ANKRD11: variants seen among roughly 807,000 people sequenced by gnomAD.
ANKRD11 encodes ankyrin repeat domain-containing protein 11.
In ANKRD11, 17 loss-of-function variants were observed where a neutral mutation model predicts 195.7. The ratio of observed to expected loss-of-function variants is 0.09; its 90% confidence interval spans 0.06 to 0.13. ANKRD11 has a LOEUF of 0.13. ANKRD11 is among the 10% of genes least tolerant of loss of function. The pLI is 1.00. For missense variants in ANKRD11, 3,735 were observed against 3,566.1 expected (o/e 1.05, Z -1.21); for synonymous variants, 1,953 against 1,528.1 (o/e 1.28, Z -6.49).
At position 89,283,685 on chromosome 16, in the gene ANKRD11, C is replaced by A. The variant is rs2034445786; in HGVS notation, c.2857G>T (p.Asp953Tyr). ...ESAEAGRDRK[D>Y]ALESCKERRD... ...CGCTCCTTGCAGCTCTCCAGGGCGT[C>A]CTTTCTGTCCCGCCCGGCCTCTGCG... is the stretch of plus-strand genomic sequence containing the variant. The change falls in exon 9 of 13, where the codon GAC (aspartate) becomes TAC (tyrosine). Residue 953 changes from aspartate (D) to tyrosine (Y), a missense_variant. Physicochemically the swap from Asp to Tyr is radical, Grantham distance 160. Coordinates refer to ENST00000301030, the MANE Select transcript of ANKRD11 (RefSeq NM_013275.6). The surrounding 1 kb of genome is among the most constrained non-coding windows in gnomAD (Gnocchi z 4.3). The A allele has an allele frequency of 2.5e-6, 4 of 1,613,064 alleles. No individual in the cohort carries two copies. The highest frequency in any genetic ancestry group is 3.4e-6 in the Non-Finnish European group (4 of 1,180,054).
intron 2 of ANKRD11, among the ~76,000 whole-genome samples, chr16:89,398,088 A>G (rs1336005712): frequency 6.6e-6 from 1 of 151,442 alleles, no homozygotes; most frequent in Non-Finnish European, 1.5e-5. Context: ...ACAGCTGAAG[A>G]TTACCTGTAA....
chr16:89,402,366 T>C (rs1272892522), intron 2 of ANKRD11, among the ~76,000 whole-genome samples: 1 of 152,154 alleles, frequency 6.6e-6, no homozygotes, highest in Non-Finnish European at 1.5e-5. Context: ...TATCTGGGAT[T>C]GAGCGCTTAT....
chr16:89,463,430 G>T (rs893740698), intron 1 of ANKRD11, among the ~76,000 whole-genome samples: 1 of 152,134 alleles, frequency 6.6e-6, no homozygotes, highest in Non-Finnish European at 1.5e-5. Context: ...ATGGATTAAG[G>T]GCGGTGCAAG....
At chr16:89,386,582 C>T (rs1292401387) in intron 2 of ANKRD11, among the ~76,000 whole-genome samples, 3 of 152,170 alleles carry the variant, frequency 2.0e-5, no homozygotes, top group South Asian at 2.1e-4. Flanking sequence ...AAGATGCCCG[C>T]GGGGAGGAGT....
At position 89,356,780 on chromosome 16, in the gene ANKRD11, C is replaced by CAA. The variant is rs58470031; in HGVS notation, c.-59-39704_-59-39703dup. 3.0e-3 allele frequency among the ~76,000 whole-genome samples: 312 copies of CAA among 103,708 alleles called. 2 individuals are homozygous for CAA. The highest frequency in any genetic ancestry group is 0.023 in the East Asian group (83 of 3,564). 68.0% of individuals were successfully genotyped at this position (103,708 alleles called of 152,430 possible). On this transcript the variant is annotated intron_variant, in intron 2 of 12. Coordinates refer to ENST00000301030, the MANE Select transcript of ANKRD11 (RefSeq NM_013275.6). The stretch of plus-strand genomic sequence containing the variant: ...TGGGCGACACAGCAAGACTCCGTCT[C>CAA]AAAAAAAAAAAAAAAGAAAAAAGAA...
rs757750566 is a variant in ANKRD11, at chr16:89,282,500, CCTT to C, written c.4039_4041del (p.Lys1347del). On this transcript the variant is annotated inframe_deletion, in exon 9 of 13. Transcript: ENST00000301030. The stretch of plus-strand genomic sequence containing the variant: ...GAAGATGAGGAGTGTCTGTGCCTCT[CCTT>C]CTCTTTCAGCTTCTCAGGGAGGCAG... 2.3e-5 allele frequency: 37 copies of C among 1,614,000 alleles called. No individual in the cohort carries two copies. Among genetic ancestry groups the C allele is most frequent in the East Asian group, 4.5e-5 (2 of 44,886 alleles).
At chr16:89,432,072 A>G (rs534881413) in intron 1 of ANKRD11, among the ~76,000 whole-genome samples, 1 of 152,122 alleles carries the variant, frequency 6.6e-6, no homozygotes, top group East Asian at 1.9e-4. Flanking sequence ...CATCATCATA[A>G]CAACTTAATT....
chr16:89,308,841 T>A (rs1020651151), intron 3 of ANKRD11, among the ~76,000 whole-genome samples: 4 of 151,860 alleles, frequency 2.6e-5, no homozygotes, highest in African/African-American at 9.7e-5. Flanking sequence ...ACGTGCAGCA[T>A]CAACACTGAG....
In ANKRD11 at chr16:89,317,402, G is replaced by C. The variant is rs180905085; in HGVS notation, c.-59-324C>G. Among the ~76,000 whole-genome samples, 1,130 of 152,296 alleles carry C rather than the reference G, an allele frequency of 7.4e-3. 55 individuals carry two copies. The highest frequency in any genetic ancestry group is 0.066 in the Admixed American group (1,009 of 15,300). On this transcript the variant is annotated intron_variant, in intron 2 of 12. Coordinates refer to ENST00000301030, the MANE Select transcript of ANKRD11 (RefSeq NM_013275.6). ...AGCACCTGGATCCTGGGTCCCACCT[G>C]GTACAGGCTACACCCAAAACGGTCA...
intron 1 of ANKRD11, among the ~76,000 whole-genome samples, chr16:89,433,243 A>C (rs1661447748): frequency 6.6e-6 from 1 of 152,224 alleles, no homozygotes; most frequent in African/African-American, 2.4e-5. Context: ...GGCCCAGTTG[A>C]GTGGCCATGA....
rs796527078 is a variant in ANKRD11 at position 89,281,032 on chromosome 16, G to A, written c.5510C>T (p.Pro1837Leu). Residue 1837 changes from proline to leucine, a missense_variant, in exon 9 of 13, where the codon CCG (proline) becomes CTG (leucine). Transcript: ENST00000301030. This position sits in a 1 kb window ranked among gnomAD's most constrained non-coding sequence, Gnocchi z 5.5. The part of the protein sequence containing the change: ...PSMEDRAPLP[P>L]VPAEKFACLS... The stretch of plus-strand genomic sequence containing the variant: ...GCAGGCAAACTTCTCCGCGGGAACC[G>A]GGGGCAGGGGCGCCCTGTCTTCCAT... 11 of 1,596,538 alleles carry A rather than the reference G, an allele frequency of 6.9e-6. No homozygotes were observed. Among genetic ancestry groups the A allele is most frequent in the East Asian group, 2.2e-5 (1 of 44,586 alleles).
At chr16:89,454,151 C>G (rs2056322403) in intron 1 of ANKRD11, among the ~76,000 whole-genome samples, 1 of 152,152 alleles carries the variant, frequency 6.6e-6, no homozygotes, top group African/African-American at 2.4e-5. Flanking sequence ...ACAACCACAG[C>G]CAACACAACG....
intron 2 of ANKRD11, among the ~76,000 whole-genome samples, chr16:89,375,415 G>A (rs547733772): frequency 5.3e-5 from 8 of 152,240 alleles, no homozygotes; most frequent in Admixed American, 5.2e-4. Flanking sequence ...GGTCATGCCT[G>A]TGACAAGCCG....
rs568897835 is a variant in ANKRD11, at chr16:89,439,984, A to T, written c.-144-21616T>A. On this transcript the variant is annotated intron_variant, in intron 1 of 12. Transcript: ENST00000301030. ...CTCACAGGTGTGGGGTCTGAGCCGC[A>T]GCCCACTACCTTAACTCCATAATCT... 3.3e-5 allele frequency among the ~76,000 whole-genome samples: 5 copies of T among 152,340 alleles called. No homozygotes were observed. The South Asian group carries it at 8.3e-4, about 25-fold the overall frequency.
intron 2 of ANKRD11, among the ~76,000 whole-genome samples, chr16:89,415,187 C>A (rs2042244799): frequency 6.6e-6 from 1 of 151,482 alleles, no homozygotes; most frequent in South Asian, 2.1e-4. Flanking sequence ...CTCCTGAGCT[C>A]AAGTGATCTA....
rs547293440 is a variant in ANKRD11 at position 89,316,919 on chromosome 16, G to A, written c.87+14C>T. Reference sequence around the variant, plus strand: ...GTGCGGTGAGCATGCAGGGCTGGGAGGGGGCAGCATTACCTTTTTCCCAGT... The same window carrying A: ...GTGCGGTGAGCATGCAGGGCTGGGAAGGGGCAGCATTACCTTTTTCCCAGT... On this transcript the variant is annotated intron_variant, in intron 3 of 12. Transcript: ENST00000301030. 6.2e-7 allele frequency: 1 copy of A among 1,611,972 alleles called. No individual in the cohort carries two copies. Among genetic ancestry groups the A allele is most frequent in the Non-Finnish European group, 8.5e-7 (1 of 1,179,186 alleles).
chr16:89,401,895 A>T (rs555919582), intron 2 of ANKRD11, among the ~76,000 whole-genome samples: 28 of 149,380 alleles, frequency 1.9e-4, no homozygotes, highest in Admixed American at 1.3e-3. Context: ...CACACCAGAG[A>T]CTCCCCCATC....
At position 89,285,259 on chromosome 16, in the gene ANKRD11, A is replaced by T. The variant is rs1232216663; in HGVS notation, c.1283T>A (p.Leu428His). ...VTVGTGEKLRLSAHTILPGSK... is the reference protein window; with the variant it reads ...VTVGTGEKLRHSAHTILPGSK... The stretch of plus-strand genomic sequence containing the variant: ...ACCAGGCAATATCGTATGTGCCGAG[A>T]GTCTCAGCTTCTCTCCTGTCCCCAC... Residue 428 changes from leucine to histidine, a missense_variant, in exon 9 of 13, where the codon CTC becomes CAC. By Grantham distance (99) the Leu-to-His change is moderately conservative. Transcript: ENST00000301030. The surrounding 1 kb of genome is among the most constrained non-coding windows in gnomAD (Gnocchi z 5.6). 1 of 1,613,528 alleles carries T rather than the reference A, an allele frequency of 6.2e-7. No individual in the cohort carries two copies. The highest frequency in any genetic ancestry group is 1.1e-5 in the South Asian group (1 of 91,062).
At chr16:89,364,821 T>C (rs576424637) in intron 2 of ANKRD11, among the ~76,000 whole-genome samples, 2 of 152,296 alleles carry the variant, frequency 1.3e-5, no homozygotes, top group African/African-American at 4.8e-5. Context: ...AAGTGGAAGC[T>C]TGCTCAGCAC....
Sources: allele counts gnomAD v4.1 joint callset (sites outside exome capture counted in the v4.1 genomes callset), GRCh38; gene constraint gnomAD v4.1.1; non-coding constraint Gnocchi (gnomAD v3.1); transcripts MANE v1.5; gene names NCBI Gene and HGNC (gene_info 2026-07-23, HGNC 2026-07-21).